Variants in HAUS6 observed in about 807,000 individuals in gnomAD.
HAUS6 encodes HAUS augmin-like complex subunit 6.
HAUS6 carries 80 observed loss-of-function variants against 106.8 expected under a neutral mutation model. The observed-to-expected ratio is 0.75, with a 90% CI of 0.63 to 0.90. The LOEUF is 0.90. HAUS6 is among the 40% of genes least tolerant of loss of function. The pLI, the probability that HAUS6 is intolerant of heterozygous loss-of-function variation, is 0.00. For synonymous variants in HAUS6, 356 were observed against 379.1 expected, an observed-to-expected ratio of 0.94 and a Z score of 0.71; for missense variants, 1,155 against 1,118.1, an observed-to-expected ratio of 1.03 and a Z score of -0.47.
chr9:19,083,171 T>C, intron 7 of HAUS6, 128 bp from the exon 8 acceptor site: 1 of 480,162 alleles, frequency 2.1e-6, no homozygotes, highest in Non-Finnish European at 3.6e-6. Context: ...TAAATAATTA[T>C]ACTTTAATAG....
chr9:19,085,559 G>A (rs1057474112), intron 7 of HAUS6, among the ~76,000 whole-genome samples: 13 of 150,748 alleles, frequency 8.6e-5, no homozygotes, highest in African/African-American at 3.2e-4. Context: ...TATACCCACA[G>A]CAGCTTGGCA....
intron 1 of HAUS6, 105 bp from the exon 2 acceptor site, chr9:19,096,874 C>A: frequency 1.9e-6 from 1 of 525,314 alleles, no homozygotes; most frequent in Admixed American, 3.9e-5. Flanking sequence ...TTTTCATTCT[C>A]TTCAGGAAGT....
At chr9:19,088,299 C>G (rs1316925908) in intron 5 of HAUS6, among the ~76,000 whole-genome samples, 1 of 151,756 alleles carries the variant, frequency 6.6e-6, no homozygotes, top group African/African-American at 2.4e-5. Flanking sequence ...ACCTGTAATC[C>G]CAATTACTCG....
chr9:19,080,649 C>T lies in HAUS6; in HGVS notation c.894G>A (p.Glu298=). The T allele has an allele frequency of 6.2e-7, 1 of 1,607,564 alleles. No homozygotes were observed. Among genetic ancestry groups the T allele is most frequent in the Non-Finnish European group, 8.5e-7 (1 of 1,175,250 alleles). ...MFQLHIGNVY[E]AGKLNLLTVI... is the part of the protein sequence containing the mutation. Reference sequence around the variant, plus strand: ...CTGTTAAGAGGTTCAGTTTTCCAGCCTCATAAACATTTCCTATGTGCAACT... The same window carrying T: ...CTGTTAAGAGGTTCAGTTTTCCAGCTTCATAAACATTTCCTATGTGCAACT... Residue 298 remains glutamate, a synonymous_variant, in exon 9 of 17, where the codon GAG becomes GAA. Coordinates refer to ENST00000380502, the MANE Select transcript of HAUS6 (RefSeq NM_017645.5).
intron 7 of HAUS6, among the ~76,000 whole-genome samples, 188 bp downstream of exon 7, chr9:19,086,546 A>G (rs1255048723): frequency 6.6e-6 from 1 of 151,326 alleles, no homozygotes; most frequent in Non-Finnish European, 1.5e-5. Context: ...CTTGAACTCA[A>G]GAGGCAGAGG....
chr9:19,072,800 G>A (rs900774101), intron 11 of HAUS6, among the ~76,000 whole-genome samples: 2 of 151,854 alleles, frequency 1.3e-5, no homozygotes, highest in Non-Finnish European at 2.9e-5. Context: ...GTCATTAATC[G>A]TGTTGCTCAA....
rs1396829726 is a variant in HAUS6, at chr9:19,054,333, G to A, written c.*2010C>T. On this transcript the variant is annotated 3_prime_UTR_variant, in exon 17 of 17. Transcript: ENST00000380502. Reference sequence around the variant, plus strand: ...AACAATCAATGGAATTTTAGGCAAGGAAGTGACCCAATCAAAACAGTTCCT... The same window carrying A: ...AACAATCAATGGAATTTTAGGCAAGAAAGTGACCCAATCAAAACAGTTCCT... 1 of 152,144 alleles carries A rather than the reference G, an allele frequency of 6.6e-6. No homozygotes were observed. The highest frequency in any genetic ancestry group is 1.9e-4 in the East Asian group (1 of 5,200). 9.4% of individuals were successfully genotyped at this position (152,144 alleles called of 1,614,324 possible). A position where few individuals can be genotyped will look rare whatever the true frequency, so the allele number is the denominator to read the frequency against.
Position 19,087,097 on chromosome 9 carries a change from AT to A in HAUS6, c.643del (p.Ile215Ter). The A allele has an allele frequency of 1.4e-6, 2 of 1,467,048 alleles. No individual in the cohort carries two copies. The highest frequency in any genetic ancestry group is 1.9e-6 in the Non-Finnish European group (2 of 1,046,372). The allele number at this position is 1,467,048 out of a possible 1,614,324, so 90.9% of individuals were successfully genotyped here. A position where few individuals can be genotyped will look rare whatever the true frequency, so the allele number is the denominator to read the frequency against. On this transcript the variant is annotated frameshift_variant, in exon 6 of 17. Transcript: ENST00000380502. LOFTEE classifies it high-confidence loss of function. ...AGCTCTAAAAGTCACTTACTTCTTT[AT>A]TTGGTTTTCCAATCCTATACATTCA... ...RSECIGLENQ[I>X]KKMEPYDDHS...
chr9:19,057,977 T>C lies in HAUS6; in HGVS notation c.2790A>G (p.Glu930=), dbSNP rs538308637. The C allele has an allele frequency of 4.4e-6, 7 of 1,600,666 alleles. No homozygotes were observed. The African/African-American group carries it at 9.4e-5, about 22-fold the overall frequency. The change falls in exon 16 of 17, where the codon GAA becomes GAG. Residue 930 remains glutamate (E), a synonymous_variant. Transcript: ENST00000380502. The stretch of plus-strand genomic sequence containing the variant: ...AAACCTTACCCTTTAAATTAGGTAG[T>C]TCTCCAAGACTACATGCTATTGTGG... ...LRTTIACSLG[E]LPNLKEEDIL...
chr9:19,060,671 T>C (rs1564007047), intron 14 of HAUS6, among the ~76,000 whole-genome samples: 1 of 152,158 alleles, frequency 6.6e-6, no homozygotes, highest in East Asian at 1.9e-4. Context: ...TCTGACAACA[T>C]ACCTCTTCAC....
chr9:19,100,488 T>C (rs1817965166), intron 1 of HAUS6, among the ~76,000 whole-genome samples: 1 of 152,202 alleles, frequency 6.6e-6, no homozygotes, highest in Non-Finnish European at 1.5e-5. Flanking sequence ...GTTGGTGGAA[T>C]GTAAAGTAGT....
intron 2 of HAUS6, among the ~76,000 whole-genome samples, chr9:19,094,800 A>G (rs144816286): frequency 0.019 from 2,839 of 152,242 alleles, 42 homozygotes; most frequent in Non-Finnish European, 0.025. Flanking sequence ...AAAAACCATT[A>G]AAGTGAAATG....
intron 1 of HAUS6, among the ~76,000 whole-genome samples, chr9:19,099,656 C>T (rs1020286321): frequency 6.6e-6 from 1 of 152,218 alleles, no homozygotes; most frequent in Non-Finnish European, 1.5e-5. Flanking sequence ...GAGACAGGGT[C>T]TCACTATGTT....
intron 11 of HAUS6, among the ~76,000 whole-genome samples, chr9:19,072,735 T>C (rs1235555262): frequency 6.6e-6 from 1 of 152,114 alleles, no homozygotes; most frequent in Non-Finnish European, 1.5e-5. Flanking sequence ...GAACTAAGCA[T>C]ATACTTTGAG....
rs1836460327 is a variant in HAUS6 at position 19,056,040 on chromosome 9, A to G, written c.*303T>C. 6.7e-6 allele frequency: 2 copies of G among 298,814 alleles called. No homozygotes were observed. Among genetic ancestry groups the G allele is most frequent in the Non-Finnish European group, 1.2e-5 (2 of 161,808 alleles). 18.5% of individuals were successfully genotyped at this position (298,814 alleles called of 1,614,324 possible). ...TATAACATAAGAAATAAGTTACACTACTACTTTGTCATTCACTTAATGCTT... is the reference window on the plus strand; with the variant it reads ...TATAACATAAGAAATAAGTTACACTGCTACTTTGTCATTCACTTAATGCTT... On this transcript the variant is annotated 3_prime_UTR_variant, in exon 17 of 17. Coordinates refer to ENST00000380502, the MANE Select transcript of HAUS6 (RefSeq NM_017645.5).
rs1330163626 is a variant in HAUS6 at position 19,054,046 on chromosome 9, A to C, written c.*2297T>G. The C allele has an allele frequency of 6.6e-6, 1 of 152,224 alleles. No homozygotes were observed. Among genetic ancestry groups the C allele is most frequent in the African/African-American group, 2.4e-5 (1 of 41,468 alleles). The allele number at this position is 152,224 out of a possible 1,614,324, so 9.4% of individuals were successfully genotyped here. On this transcript the variant is annotated 3_prime_UTR_variant, in exon 17 of 17. Coordinates refer to ENST00000380502, the MANE Select transcript of HAUS6 (RefSeq NM_017645.5). ...AGAAGGAGTAGGCACATGGATATAAAAAGCGTGGATTAAGACTTCAAGACG... is the reference window on the plus strand; with the variant it reads ...AGAAGGAGTAGGCACATGGATATAACAAGCGTGGATTAAGACTTCAAGACG...
intron 16 of HAUS6, 128 bp from the exon 17 acceptor site, chr9:19,056,532 A>T: frequency 1.6e-6 from 1 of 611,556 alleles, no homozygotes; most frequent in Non-Finnish European, 2.9e-6. Context: ...GATTATGATA[A>T]AATTATTATT....
intron 4 of HAUS6, among the ~76,000 whole-genome samples, chr9:19,090,349 G>C (rs1817717787): frequency 6.6e-6 from 1 of 151,952 alleles, no homozygotes. Context: ...GAGCTACTTT[G>C]CTTCCAAACA....
At chr9:19,080,423 G>T in intron 9 of HAUS6, 56 bp downstream of exon 9, 1 of 1,127,680 alleles carries the variant, frequency 8.9e-7, no homozygotes, top group Non-Finnish European at 1.3e-6. Context: ...TACAAGTTTT[G>T]TTGAGAAAAC....
Sources: gnomAD v4.1 joint callset for allele counts (sites outside exome capture counted in the v4.1 genomes callset) on GRCh38, gnomAD v4.1.1 for gene constraint, MANE v1.5 for transcripts, NCBI Gene and HGNC (gene_info 2026-07-23, HGNC 2026-07-21) for gene names.